MZF1: variants seen among roughly 807,000 people sequenced by gnomAD.
MZF1 encodes myeloid zinc finger 1.
A neutral mutation model predicts 28.6 loss-of-function variants in MZF1; 24 were observed. That is an observed-to-expected ratio of 0.84 (90% CI 0.61 to 1.18). MZF1 has a LOEUF of 1.18. Ranked by LOEUF, MZF1 falls within the 50% of genes most tolerant of loss-of-function variation. The pLI, the probability that MZF1 is intolerant of heterozygous loss-of-function variation, is 0.00. For missense variants in MZF1, 1,166 were observed against 1,026.4 expected (o/e 1.14, Z -1.86); for synonymous variants, 516 against 432.5 (o/e 1.19, Z -2.40).
rs547298721 is a variant in MZF1 at position 58,563,504 on chromosome 19, C to G, written c.773G>C (p.Gly258Ala). The stretch of plus-strand genomic sequence containing the variant: ...GATGCTGCCTAGCTGCAGCGCGAAC[C>G]CTGCATACACAAGGGGACCATTCAT... Reference protein sequence around the residue: ...HEEAGGIFSPGFALQLGSISA... With the variant: ...HEEAGGIFSPAFALQLGSISA... Residue 258 changes from glycine to alanine, a missense_variant and splice_region_variant, in exon 6 of 6, where the codon GGG (glycine) becomes GCG (alanine). Physicochemically the swap from Gly to Ala is moderately conservative, Grantham distance 60. Coordinates refer to ENST00000215057, the MANE Select transcript of MZF1 (RefSeq NM_198055.2). 1.6e-5 allele frequency: 24 copies of G among 1,533,620 alleles called. No homozygotes were observed. In the African/African-American group the frequency reaches 3.3e-4, roughly 21 times the overall value.
intron 3 of MZF1, 44 bp from the exon 4 acceptor site, chr19:58,569,630 C>T (rs1313312806): frequency 1.4e-6 from 2 of 1,476,386 alleles, no homozygotes; most frequent in Middle Eastern, 1.8e-4. Flanking sequence ...TGAGTTTCCA[C>T]CCCACTGCCC....
Position 58,562,894 on chromosome 19 carries a change from G to T in MZF1, c.1383C>A (p.Ile461=), listed in dbSNP as rs544543457. The change falls in exon 6 of 6, where the codon ATC becomes ATA. Residue 461 remains isoleucine (I), a synonymous_variant. Transcript: ENST00000215057. ...QRSNLLQHQR[I]HGDPPGPGAK... ...CGCCAGGGCCCGGGGGATCGCCGTG[G>T]ATGCGCTGGTGCTGCAGCAGATTGG... 1.3e-6 allele frequency: 2 copies of T among 1,576,580 alleles called. No homozygotes were observed. Among genetic ancestry groups the T allele is most frequent in the Admixed American group, 3.5e-5 (2 of 57,542 alleles).
chr19:58,566,918 T>C (rs1177048548), intron 5 of MZF1, among the ~76,000 whole-genome samples: 2 of 151,940 alleles, frequency 1.3e-5, no homozygotes, highest in African/African-American at 2.4e-5. Flanking sequence ...TTTTTTTTTT[T>C]TGAGACTGGG....
Position 58,570,332 on chromosome 19 carries a change from G to A in MZF1, c.580+12C>T. The A allele has an allele frequency of 6.2e-7, 1 of 1,604,378 alleles. No individual in the cohort carries two copies. Among genetic ancestry groups the A allele is most frequent in the Non-Finnish European group, 8.5e-7 (1 of 1,174,356 alleles). On this transcript the variant is annotated intron_variant, in intron 3 of 5. Transcript: ENST00000215057. ...ACCAGACCTTAGGCGCGCCCACCGT[G>A]CATGCCCTCACCTGAGTCCTCTGTA... is the stretch of plus-strand genomic sequence containing the variant.
Position 58,562,552 on chromosome 19 carries a change from G to T in MZF1, c.1725C>A (p.Gly575=). The T allele has an allele frequency of 1.2e-6, 2 of 1,604,032 alleles. No homozygotes were observed. Among genetic ancestry groups the T allele is most frequent in the Non-Finnish European group, 8.5e-7 (1 of 1,176,614 alleles). ...GCGTAGGCCGCTGGCGGAAGGCCTT[G>T]CCACACTCGGCGCAGGCGAAGGGCC... ...GERPFACAEC[G]KAFRQRPTLT... is the part of the protein sequence containing the mutation. The change falls in exon 6 of 6, where the codon GGC becomes GGA. Residue 575 remains glycine (G), a synonymous_variant. Coordinates refer to ENST00000215057, the MANE Select transcript of MZF1 (RefSeq NM_198055.2).
At position 58,562,380 on chromosome 19, in the gene MZF1, C is replaced by G; in HGVS notation, c.1897G>C (p.Gly633Arg). ...GTGAGCCGCGAGACCTGCGTGAAGC[C>G]CAGGCCGCACTCACCGCAGTGGTAG... ...KPYHCGECGL[G>R]FTQVSRLTEH... Residue 633 changes from glycine (G) to arginine (R), a missense_variant, in exon 6 of 6, where the codon GGC becomes CGC. By Grantham distance (125) the Gly-to-Arg change is moderately radical (BLOSUM62 -2). Transcript: ENST00000215057. The G allele has an allele frequency of 6.2e-7, 1 of 1,607,478 alleles. No individual in the cohort carries two copies. The highest frequency in any genetic ancestry group is 2.2e-5 in the East Asian group (1 of 44,532).
In MZF1 at chr19:58,572,047, C is replaced by T. The variant is rs775942751; in HGVS notation, c.-40-618G>A. The T allele has an allele frequency of 7.5e-5, 12 of 159,108 alleles. No homozygotes were observed. The South Asian group carries it at 1.5e-3, about 20-fold the overall frequency. The allele number at this position is 159,108 out of a possible 1,614,324, so 9.9% of individuals were successfully genotyped here. ...CCTTCCCTTCTTCTACATGTGCAACCTCATTCCTGCGCTACAGCTCTCTCT... is the reference window on the plus strand; with the variant it reads ...CCTTCCCTTCTTCTACATGTGCAACTTCATTCCTGCGCTACAGCTCTCTCT... On this transcript the variant is annotated intron_variant, in intron 1 of 5. Coordinates refer to ENST00000215057, the MANE Select transcript of MZF1 (RefSeq NM_198055.2).
In MZF1 at chr19:58,562,952, C is replaced by T. The variant is rs747981728; in HGVS notation, c.1325G>A (p.Cys442Tyr). ...CCGGAAGCTCTGGCCGCACTCAGCG[C>T]AACGGAAAGGCTGTTCGCCCGTGTG... ...RVHTGEQPFR[C>Y]AECGQSFRQR... The change falls in exon 6 of 6, where the codon TGC becomes TAC. Residue 442 changes from cysteine to tyrosine, a missense_variant. Coordinates refer to ENST00000215057, the MANE Select transcript of MZF1 (RefSeq NM_198055.2). 7 of 1,599,438 alleles carry T rather than the reference C, an allele frequency of 4.4e-6. No homozygotes were observed. The highest frequency in any genetic ancestry group is 5.9e-6 in the Non-Finnish European group (7 of 1,177,926).
At position 58,561,975 on chromosome 19, in the gene MZF1, G is replaced by T; in HGVS notation, c.*97C>A. On this transcript the variant is annotated 3_prime_UTR_variant, in exon 6 of 6. Transcript: ENST00000215057. ...TGGACACCTACAGTAGCCAAGCCCTGGGCGGACCTGCTTATACTTATGTAA... is the reference window on the plus strand; with the variant it reads ...TGGACACCTACAGTAGCCAAGCCCTTGGCGGACCTGCTTATACTTATGTAA... 7.7e-7 allele frequency: 1 copy of T among 1,293,138 alleles called. No individual in the cohort carries two copies. The highest frequency in any genetic ancestry group is 1.1e-6 in the Non-Finnish European group (1 of 948,416). The allele number at this position is 1,293,138 out of a possible 1,614,324, so 80.1% of individuals were successfully genotyped here.
Position 58,562,746 on chromosome 19 carries a change from T to C in MZF1, c.1531A>G (p.Lys511Glu). 1 of 1,535,702 alleles carries C rather than the reference T, an allele frequency of 6.5e-7. No homozygotes were observed. ...CCGCACTCGACGCAGCCAAAGGACTTGTCGCCCGTGTGTACCGCCTGGTGC... is the reference window on the plus strand; with the variant it reads ...CCGCACTCGACGCAGCCAAAGGACTCGTCGCCCGTGTGTACCGCCTGGTGC... The part of the protein sequence containing the change: ...LEHQAVHTGD[K>E]SFGCVECGER... Residue 511 changes from lysine to glutamate, a missense_variant, in exon 6 of 6, where the codon AAG (lysine) becomes GAG (glutamate). Physicochemically the swap from Lys to Glu is moderately conservative, Grantham distance 56 (BLOSUM62 1). Transcript: ENST00000215057.
chr19:58,570,569 A>G (rs2054140906), intron 2 of MZF1, 42 bp from the exon 3 acceptor site: 2 of 1,582,462 alleles, frequency 1.3e-6, no homozygotes, highest in South Asian at 2.3e-5. Flanking sequence ...ACCAGAGAGT[A>G]AGGCTGGCCG....
rs1454904759 is a variant in MZF1 at position 58,571,189 on chromosome 19, C to T, written c.201G>A (p.Glu67=). 1.2e-6 allele frequency: 2 copies of T among 1,613,414 alleles called. No individual in the cohort carries two copies. The highest frequency in any genetic ancestry group is 1.7e-6 in the Non-Finnish European group (2 of 1,179,674). The change falls in exon 2 of 6, where the codon GAG becomes GAA. Residue 67 remains glutamate (E), a synonymous_variant. Coordinates refer to ENST00000215057, the MANE Select transcript of MZF1 (RefSeq NM_198055.2). Reference sequence around the variant, plus strand: ...CTGGACGCAGCCACTGGCGACACAGCTCTCGGAGCTGGGCCAGGGCCTCTT... The same window carrying T: ...CTGGACGCAGCCACTGGCGACACAGTTCTCGGAGCTGGGCCAGGGCCTCTT... ...GPQEALAQLR[E]LCRQWLRPEV... is the part of the protein sequence containing the mutation.
chr19:58,562,735 G>GC lies in MZF1; in HGVS notation c.1541dup (p.Cys515LeufsTer115), dbSNP rs766316153. ...CGAAGCGCTCGCCGCACTCGACGCA[G>GC]CCAAAGGACTTGTCGCCCGTGTGTA... On this transcript the variant is annotated frameshift_variant, in exon 6 of 6. Transcript: ENST00000215057. LOFTEE classifies it low-confidence loss of function (END_TRUNC). 8 of 1,536,078 alleles carry GC rather than the reference G, an allele frequency of 5.2e-6. No individual in the cohort carries two copies. The highest frequency in any genetic ancestry group is 6.1e-6 in the Non-Finnish European group (7 of 1,147,340).
chr19:58,570,539 C>T lies in MZF1; in HGVS notation c.397-12G>A, dbSNP rs1316835342. The T allele has an allele frequency of 1.9e-6, 3 of 1,607,340 alleles. No homozygotes were observed. Among genetic ancestry groups the T allele is most frequent in the Admixed American group, 3.4e-5 (2 of 59,266 alleles). On this transcript the variant is annotated splice_polypyrimidine_tract_variant and intron_variant, in intron 2 of 5. Transcript: ENST00000215057. ...ACCTGGACTGTGACCTGGGGAGGTG[C>T]CCCCACCATCAGAAGTCCTACCAGA...
chr19:58,564,929 T>G (rs1039632836), intron 5 of MZF1, among the ~76,000 whole-genome samples: 6 of 131,350 alleles, frequency 4.6e-5, no homozygotes, highest in Admixed American at 1.5e-4. Context: ...TTTTTTTTTT[T>G]TTTTTTTTTG....
Position 58,571,129 on chromosome 19 carries a change from C to G in MZF1, c.261G>C (p.Leu87Phe). Residue 87 changes from leucine (L) to phenylalanine (F), a missense_variant, in exon 2 of 6, where the codon TTG becomes TTC. Transcript: ENST00000215057. The stretch of plus-strand genomic sequence containing the variant: ...GTGCGCCCAGGAACTGCTCCAGCAC[C>G]AACAGCTCCAGCATCTGCTCCTTGG... The part of the protein sequence containing the change: ...VRSKEQMLEL[L>F]VLEQFLGALP... 6.2e-7 allele frequency: 1 copy of G among 1,614,074 alleles called. No individual in the cohort carries two copies.
Position 58,563,118 on chromosome 19 carries a change from T to C in MZF1, c.1159A>G (p.Ser387Gly), listed in dbSNP as rs1373302431. ...IHTGERPFVC[S>G]ECGRSFSRSS... ...CGGCTGAAGCTGCGGCCGCACTCGCTGCACACGAATGGTCGCTCACCCGTG... is the reference window on the plus strand; with the variant it reads ...CGGCTGAAGCTGCGGCCGCACTCGCCGCACACGAATGGTCGCTCACCCGTG... The change falls in exon 6 of 6, where the codon AGC becomes GGC. Residue 387 changes from serine to glycine, a missense_variant. Coordinates refer to ENST00000215057, the MANE Select transcript of MZF1 (RefSeq NM_198055.2). 6.2e-7 allele frequency: 1 copy of C among 1,607,186 alleles called. No homozygotes were observed. The highest frequency in any genetic ancestry group is 1.7e-5 in the Admixed American group (1 of 59,960).
At position 58,562,481 on chromosome 19, in the gene MZF1, C is replaced by A; in HGVS notation, c.1796G>T (p.Cys599Phe). The change falls in exon 6 of 6, where the codon TGC becomes TTC. Residue 599 changes from cysteine to phenylalanine, a missense_variant. Cys to Phe is a radical substitution (Grantham distance 205). Transcript: ENST00000215057. ...GCTGAAGCGCTGGCCACACTCGGGG[C>A]AGGCAAAGGGTTTCTCGCCCGTGTG... The part of the protein sequence containing the change: ...RVHTGEKPFA[C>F]PECGQRFSQR... 1 of 1,611,290 alleles carries A rather than the reference C, an allele frequency of 6.2e-7. No individual in the cohort carries two copies. The highest frequency in any genetic ancestry group is 8.5e-7 in the Non-Finnish European group (1 of 1,179,388).
Position 58,563,440 on chromosome 19 carries a change from G to T in MZF1, c.837C>A (p.Val279=). 6.3e-7 allele frequency: 1 copy of T among 1,587,102 alleles called. No individual in the cohort carries two copies. The change falls in exon 6 of 6, where the codon GTC becomes GTA. Residue 279 remains valine, a synonymous_variant. Coordinates refer to ENST00000215057, the MANE Select transcript of MZF1 (RefSeq NM_198055.2). ...GPGSVSPHLH[V]PWDLGMAGLS... is the part of the protein sequence containing the mutation. ...GGCCAGCCATGCCGAGGTCCCAGGG[G>T]ACGTGGAGGTGAGGGCTTACACTAC...
Sources: gnomAD v4.1 joint callset for allele counts (sites outside exome capture counted in the v4.1 genomes callset) on GRCh38, gnomAD v4.1.1 for gene constraint, MANE v1.5 for transcripts, NCBI Gene and HGNC (gene_info 2026-07-23, HGNC 2026-07-21) for gene names.